The following RNF111 variants were observed in gnomAD, a reference collection of about 807,000 sequenced individuals.
RNF111 encodes the protein ring finger protein 111.
RNF111 carries 17 observed loss-of-function variants against 95.1 expected under a neutral mutation model. The ratio of observed to expected loss-of-function variants is 0.18; its 90% CI spans 0.12 to 0.27. The LOEUF (loss-of-function observed/expected upper bound fraction) is 0.27, where lower values mean the gene tolerates loss of function less well. Ranked by LOEUF, RNF111 falls within the 10% of genes least tolerant of loss-of-function variation. The pLI, the probability that RNF111 is intolerant of heterozygous loss-of-function variation, is 1.00. For synonymous variants in RNF111, 440 were observed against 414.8 expected (o/e 1.06, Z -0.74); for missense variants, 1,189 against 1,210.4 (o/e 0.98, Z 0.26).
chr15:59,053,324 T>C (rs1250168556), intron 3 of RNF111, among the ~76,000 whole-genome samples: 1 of 152,200 alleles, frequency 6.6e-6, no homozygotes, highest in Non-Finnish European at 1.5e-5. Flanking sequence ...TGATTATAAG[T>C]ATTGGTAATA....
intron 6 of RNF111, among the ~76,000 whole-genome samples, chr15:59,071,185 C>G (rs1285745421): frequency 6.6e-6 from 1 of 151,510 alleles, no homozygotes; most frequent in African/African-American, 2.4e-5. Flanking sequence ...GTAGTCCCAG[C>G]TACTCGGGAG....
intron 1 of RNF111, among the ~76,000 whole-genome samples, chr15:59,004,773 C>T (rs2039464968): frequency 1.3e-5 from 2 of 152,116 alleles, no homozygotes; most frequent in Non-Finnish European, 2.9e-5. Context: ...TCCCGTTTTC[C>T]CTCCACTATT....
intron 1 of RNF111, among the ~76,000 whole-genome samples, chr15:59,019,132 A>T (rs1360011230): frequency 3.2e-5 from 4 of 124,130 alleles, no homozygotes; most frequent in Non-Finnish European, 5.0e-5. Context: ...TGTAGAGGTG[A>T]GGTTTCATGT....
At chr15:59,077,510 TA>T (rs1323312288) in intron 7 of RNF111, among the ~76,000 whole-genome samples, 1 of 152,226 alleles carries the variant, frequency 6.6e-6, no homozygotes, top group Admixed American at 6.5e-5. Context: ...TCTTACCTTT[TA>T]AAAATGGGAA....
chr15:59,082,015 A>T (rs748688120), intron 8 of RNF111, among the ~76,000 whole-genome samples: 1 of 152,168 alleles, frequency 6.6e-6, no homozygotes, highest in Non-Finnish European at 1.5e-5. Flanking sequence ...CCTGTGCTTA[A>T]GTGATCCTCC....
intron 1 of RNF111, among the ~76,000 whole-genome samples, chr15:59,002,980 TTTTC>T (rs1313639675): frequency 9.8e-5 from 15 of 152,306 alleles, no homozygotes; most frequent in African/African-American, 9.6e-5. Context: ...ATTTGTTTTG[TTTTC>T]TTTCTTCCTT....
At chr15:59,032,840 A>G (rs1312731589) in intron 2 of RNF111, among the ~76,000 whole-genome samples, 1 of 152,158 alleles carries the variant, frequency 6.6e-6, no homozygotes, top group Non-Finnish European at 1.5e-5. Flanking sequence ...GGTAGGGACT[A>G]TTTCCTATCA....
intron 2 of RNF111, chr15:59,050,323 G>A (rs575941362): frequency 6.6e-6 from 1 of 152,338 alleles, no homozygotes; most frequent in Admixed American, 6.5e-5. Flanking sequence ...ACAACTCCAT[G>A]TTTTCCAAAA....
At chr15:59,060,733 G>T (rs1236907680) in intron 5 of RNF111, among the ~76,000 whole-genome samples, 1 of 152,030 alleles carries the variant, frequency 6.6e-6, no homozygotes, top group Non-Finnish European at 1.5e-5. Context: ...AATTTTTGAG[G>T]CAGGGATTTG....
At chr15:59,050,421 G>A (rs141739987) in intron 2 of RNF111, 11 of 152,254 alleles carry the variant, frequency 7.2e-5, no homozygotes, top group African/African-American at 1.2e-4. Context: ...GGTTTCTGGC[G>A]AAAGGCCAGA....
chr15:59,094,062 C>T (rs919158830), intron 13 of RNF111, among the ~76,000 whole-genome samples: 1 of 152,142 alleles, frequency 6.6e-6, no homozygotes, highest in Non-Finnish European at 1.5e-5. Context: ...TTTAATGTTA[C>T]CCTATCTTGC....
chr15:59,010,550 C>T (rs1210188443), intron 1 of RNF111, among the ~76,000 whole-genome samples: 1 of 151,918 alleles, frequency 6.6e-6, no homozygotes, highest in African/African-American at 2.4e-5. Context: ...TACAGGTGCC[C>T]ACCACCACAC....
At chr15:58,995,325 T>C (rs1346018913) in intron 1 of RNF111, among the ~76,000 whole-genome samples, 22 of 152,252 alleles carry the variant, frequency 1.4e-4, no homozygotes, top group Admixed American at 1.4e-3. Context: ...ATCTGATTAA[T>C]ACAGAATTGT....
At chr15:59,000,865 A>G (rs1352509860) in intron 1 of RNF111, among the ~76,000 whole-genome samples, 2 of 152,308 alleles carry the variant, frequency 1.3e-5, no homozygotes, top group African/African-American at 2.4e-5. Context: ...AATGCCAAAT[A>G]TGTGTTCTAA....
intron 2 of RNF111, among the ~76,000 whole-genome samples, chr15:59,041,276 C>G (rs1208332834): frequency 6.6e-6 from 1 of 152,090 alleles, no homozygotes; most frequent in Non-Finnish European, 1.5e-5. Context: ...CTTTTCTTGA[C>G]CCCGTGCAGT....
chr15:59,083,508 C>T (rs1230771444), intron 8 of RNF111, among the ~76,000 whole-genome samples: 1 of 151,430 alleles, frequency 6.6e-6, no homozygotes, highest in Non-Finnish European at 1.5e-5. Flanking sequence ...TGTACTCCAG[C>T]CTGGTGACAG....
chr15:58,991,290 GA>G (rs1181722447), intron 1 of RNF111, among the ~76,000 whole-genome samples: 1 of 151,368 alleles, frequency 6.6e-6, no homozygotes, highest in African/African-American at 2.4e-5. Context: ...ACTCCATCTT[GA>G]AAAAAAACAA....
chr15:59,072,896 AAAC>A (rs1162561710), intron 6 of RNF111, among the ~76,000 whole-genome samples: 2 of 151,814 alleles, frequency 1.3e-5, no homozygotes, highest in African/African-American at 4.8e-5. Context: ...AAAAAAAACA[AAAC>A]ACTTCCAGCT....
At position 59,076,214 on chromosome 15, in the gene RNF111, T is replaced by G; in HGVS notation, c.1947T>G (p.Pro649=). Residue 649 remains proline, a splice_region_variant and synonymous_variant, in exon 7 of 14, where the codon CCT becomes CCG. Transcript: ENST00000348370. ...CATGTCGACATTACATGCCACCCCCTTGTAAGTATATACTTAGTGGACACA... is the reference window on the plus strand; with the variant it reads ...CATGTCGACATTACATGCCACCCCCGTGTAAGTATATACTTAGTGGACACA... The part of the protein sequence containing the change: ...LSSCRHYMPP[P]YASLTRPLHH... 1 of 1,612,518 alleles carries G rather than the reference T, an allele frequency of 6.2e-7. No homozygotes were observed. Among genetic ancestry groups the G allele is most frequent in the Non-Finnish European group, 8.5e-7 (1 of 1,179,742 alleles).
Sources: gnomAD v4.1 joint callset for allele counts (sites outside exome capture counted in the v4.1 genomes callset) on GRCh38, gnomAD v4.1.1 for gene constraint, MANE v1.5 for transcripts, NCBI Gene and HGNC (gene_info 2026-07-23, HGNC 2026-07-21) for gene names.